The following GTF2F2 variants were observed in gnomAD, a reference collection of about 807,000 sequenced individuals.
GTF2F2 encodes the protein general transcription factor IIF subunit 2.
A neutral mutation model predicts 42.2 loss-of-function variants in GTF2F2; 23 were observed. The ratio of observed to expected loss-of-function variants is 0.55; its 90% CI spans 0.39 to 0.77. The LOEUF (loss-of-function observed/expected upper bound fraction) is 0.77, where lower values mean the gene tolerates loss of function less well. GTF2F2 is among the 30% of genes least tolerant of loss of function. The pLI is 0.00. For synonymous variants in GTF2F2, 105 were observed against 100.8 expected (o/e 1.04, Z -0.25); for missense variants, 261 against 287.2 (o/e 0.91, Z 0.66).
rs146553178 is a variant in GTF2F2 at position 45,158,423 on chromosome 13, T to C, written c.304+6592T>C. ...TTTATAAATTACCCAGTCTTGGGTA[T>C]GTCATTATCAGCAGTGTGAAAACAG... On this transcript the variant is annotated intron_variant, in intron 4 of 7. Coordinates refer to ENST00000340473, the MANE Select transcript of GTF2F2 (RefSeq NM_004128.3). 4.4e-3 allele frequency among the ~76,000 whole-genome samples: 675 copies of C among 152,336 alleles called. 12 individuals carry two copies. The highest frequency in any genetic ancestry group is 2.3e-3 in the Non-Finnish European group (157 of 68,032).
chr13:45,191,382 A>G (rs1872650479), intron 4 of GTF2F2, among the ~76,000 whole-genome samples: 1 of 150,990 alleles, frequency 6.6e-6, no homozygotes, highest in African/African-American at 2.4e-5. Context: ...TCTTTTGAGA[A>G]AGATAGTCAC....
At chr13:45,156,688 T>C (rs1301254476) in intron 4 of GTF2F2, among the ~76,000 whole-genome samples, 2 of 152,174 alleles carry the variant, frequency 1.3e-5, no homozygotes, top group Non-Finnish European at 2.9e-5. Context: ...AATTGGAAGA[T>C]TGAGAAGCCT....
chr13:45,193,316 C>T (rs1872728730), intron 4 of GTF2F2: 1 of 154,036 alleles, frequency 6.5e-6, no homozygotes, highest in African/African-American at 2.4e-5. Flanking sequence ...TAGATCTGCA[C>T]ATCTGTTTTG....
intron 5 of GTF2F2, among the ~76,000 whole-genome samples, chr13:45,246,246 C>T (rs1020039733): frequency 2.0e-5 from 3 of 151,854 alleles, no homozygotes; most frequent in Admixed American, 6.6e-5. Flanking sequence ...CTCCTGACCT[C>T]GTGATCCGCC....
chr13:45,278,837 T>C (rs1320340547), intron 7 of GTF2F2, among the ~76,000 whole-genome samples: 3 of 142,686 alleles, frequency 2.1e-5, no homozygotes, highest in East Asian at 2.0e-4. Flanking sequence ...TTTTTTTTTT[T>C]TTTTGAGGTG....
intron 2 of GTF2F2, among the ~76,000 whole-genome samples, chr13:45,146,266 C>G (rs1423711977): frequency 1.3e-5 from 2 of 152,074 alleles, no homozygotes; most frequent in East Asian, 3.9e-4. Flanking sequence ...GAGGCCAAGG[C>G]AGGAGGATCA....
chr13:45,193,227 C>T (rs1050619153), intron 4 of GTF2F2: 3 of 152,156 alleles, frequency 2.0e-5, no homozygotes, highest in African/African-American at 4.8e-5. Context: ...GCTTTTGGTG[C>T]TTGCTATGGA....
chr13:45,225,036 A>C (rs903120917), intron 5 of GTF2F2, among the ~76,000 whole-genome samples: 2 of 152,220 alleles, frequency 1.3e-5, no homozygotes, highest in African/African-American at 2.4e-5. Context: ...AAATCAGCTG[A>C]GGCCTTCACT....
chr13:45,166,564 T>G (rs899468400), intron 4 of GTF2F2, among the ~76,000 whole-genome samples: 32 of 152,208 alleles, frequency 2.1e-4, no homozygotes, highest in Non-Finnish European at 4.4e-5. Flanking sequence ...TCATATGGAT[T>G]GTTTTCAGAT....
chr13:45,154,558 A>C (rs1870660057), intron 4 of GTF2F2, among the ~76,000 whole-genome samples: 1 of 152,204 alleles, frequency 6.6e-6, no homozygotes, highest in African/African-American at 2.4e-5. Context: ...GTTATAATAC[A>C]CTATAACAAT....
intron 5 of GTF2F2, among the ~76,000 whole-genome samples, chr13:45,221,703 C>G (rs1874123455): frequency 6.6e-6 from 1 of 151,522 alleles, no homozygotes. Context: ...TAGTGTAGAT[C>G]TAGTCATACC....
At chr13:45,163,489 T>A (rs1052385285) in intron 4 of GTF2F2, among the ~76,000 whole-genome samples, 2 of 151,788 alleles carry the variant, frequency 1.3e-5, no homozygotes, top group Non-Finnish European at 1.5e-5. Flanking sequence ...TGAGCCGAGA[T>A]AGCGCCACTG....
chr13:45,127,066 C>A (rs944476335), intron 1 of GTF2F2, among the ~76,000 whole-genome samples: 1 of 152,190 alleles, frequency 6.6e-6, no homozygotes, highest in African/African-American at 2.4e-5. Context: ...CTTCCTCTCC[C>A]TCCCTCTTTT....
chr13:45,274,561 C>G (rs1876945199), intron 7 of GTF2F2, among the ~76,000 whole-genome samples: 1 of 152,026 alleles, frequency 6.6e-6, no homozygotes, highest in African/African-American at 2.4e-5. Flanking sequence ...AATCTCCTGA[C>G]CTCGTGATCC....
rs563986363 is a variant in GTF2F2 at position 45,238,161 on chromosome 13, G to T, written c.387-14710G>T. On this transcript the variant is annotated intron_variant, in intron 5 of 7. Coordinates refer to ENST00000340473, the MANE Select transcript of GTF2F2 (RefSeq NM_004128.3). The stretch of plus-strand genomic sequence containing the variant: ...ATAGAGAAGAGGTTTCACCATGTTG[G>T]CCAGGCTGGTCTTAAACTCCCAACC... Among the ~76,000 whole-genome samples the T allele has an allele frequency of 3.3e-5, 5 of 152,206 alleles. 1 individual carries two copies. The highest frequency in any genetic ancestry group is 1.3e-4 in the Admixed American group (2 of 15,278).
intron 5 of GTF2F2, among the ~76,000 whole-genome samples, chr13:45,243,323 C>T (rs1239528000): frequency 6.6e-6 from 1 of 152,182 alleles, no homozygotes; most frequent in Non-Finnish European, 1.5e-5. Flanking sequence ...TGCCTGAGCT[C>T]CGCCTCCTGT....
intron 4 of GTF2F2, among the ~76,000 whole-genome samples, chr13:45,188,290 T>C (rs906382989): frequency 2.0e-5 from 3 of 152,186 alleles, no homozygotes; most frequent in Non-Finnish European, 4.4e-5. Context: ...AAAATAAAAG[T>C]CCCAAGAAAC....
rs1877325521 is a variant in GTF2F2, at chr13:45,283,026, A to G, written c.631-416A>G. ...ATGTTGCTCATTTTTTTTATATGCT[A>G]CTGCTCCTGAAACTACTGGTTTCAA... On this transcript the variant is annotated intron_variant, in intron 7 of 7. Transcript: ENST00000340473. 1.3e-5 allele frequency among the ~76,000 whole-genome samples: 2 copies of G among 152,116 alleles called. 1 individual carries two copies. The highest frequency in any genetic ancestry group is 1.3e-4 in the Admixed American group (2 of 15,272).
At chr13:45,123,883 G>T (rs980878226) in intron 1 of GTF2F2, 101 of 335,804 alleles carry the variant, frequency 3.0e-4, no homozygotes, top group Non-Finnish European at 4.7e-4. Flanking sequence ...TCTTCAGGGG[G>T]TCTGCATGGA....
Sources: allele counts gnomAD v4.1 joint callset (sites outside exome capture counted in the v4.1 genomes callset), GRCh38; gene constraint gnomAD v4.1.1; transcripts MANE v1.5; gene names NCBI Gene and HGNC (gene_info 2026-07-23, HGNC 2026-07-21).